Variants in EMCN observed in about 807,000 individuals in gnomAD.
The protein encoded by EMCN is endomucin.
A neutral mutation model predicts 38.4 loss-of-function variants in EMCN; 37 were observed. The ratio of observed to expected loss-of-function variants is 0.96; its 90% CI spans 0.74 to 1.27. The LOEUF (loss-of-function observed/expected upper bound fraction) is 1.27, where lower values mean the gene tolerates loss of function less well. Ranked by LOEUF, EMCN falls within the 50% of genes most tolerant of loss-of-function variation. The probability of loss-of-function intolerance (pLI) is 0.00; values close to 1 mark genes in which losing one functional copy is unlikely to be tolerated. For synonymous variants in EMCN, 95 were observed against 100.8 expected, an observed-to-expected ratio of 0.94 and a Z score of 0.35; for missense variants, 318 against 302.8, an observed-to-expected ratio of 1.05 and a Z score of -0.37.
chr4:100,417,666 C>A (rs1000726348), intron 8 of EMCN, among the ~76,000 whole-genome samples: 4 of 152,132 alleles, frequency 2.6e-5, no homozygotes, highest in Non-Finnish European at 5.9e-5. Context: ...TGCAAAATGT[C>A]GCAGAGGCTA....
At chr4:100,443,926 G>C (rs993831894) in intron 5 of EMCN, among the ~76,000 whole-genome samples, 1 of 152,214 alleles carries the variant, frequency 6.6e-6, no homozygotes, top group Non-Finnish European at 1.5e-5. Context: ...GGAGTCAACA[G>C]AGGTCAGCAA....
intron 8 of EMCN, 74 bp from the exon 9 acceptor site, chr4:100,417,215 C>A: frequency 7.9e-7 from 1 of 1,273,170 alleles, no homozygotes; most frequent in Non-Finnish European, 1.1e-6. Context: ...CCCCTCTAAC[C>A]CCCTCACCTG....
intron 9 of EMCN, among the ~76,000 whole-genome samples, chr4:100,416,239 T>C (rs1408743921): frequency 6.6e-6 from 1 of 152,116 alleles, no homozygotes; most frequent in African/African-American, 2.4e-5. Flanking sequence ...TCTCTTATAG[T>C]GGTGATTGTC....
At position 100,446,544 on chromosome 4, in the gene EMCN, T is replaced by G. The variant is rs575924827; in HGVS notation, c.415+989A>C. Reference sequence around the variant, plus strand: ...TTTTTCTAATTTTTAAAAAGTTTTATGAACCTATAGGTTTATTTCATATTT... The same window carrying G: ...TTTTTCTAATTTTTAAAAAGTTTTAGGAACCTATAGGTTTATTTCATATTT... On this transcript the variant is annotated intron_variant, in intron 5 of 11. Transcript: ENST00000296420. Among the ~76,000 whole-genome samples the G allele has an allele frequency of 1.3e-3, 201 of 152,286 alleles. 5 individuals are homozygous for G. In the South Asian group the frequency reaches 0.04, roughly 31 times the overall value.
At chr4:100,483,482 T>G (rs539764636) in intron 1 of EMCN, 5 of 152,148 alleles carry the variant, frequency 3.3e-5, no homozygotes, top group African/African-American at 1.2e-4. Context: ...ATAGACAAAA[T>G]AGTTCACTAT....
chr4:100,397,047 A>G lies in EMCN; in HGVS notation c.*1366T>C, dbSNP rs866585015. On this transcript the variant is annotated 3_prime_UTR_variant, in exon 12 of 12. Transcript: ENST00000296420. ...CTTGATTATAAATAGTCCAAACATC[A>G]GGAAACTAAAATCAAGGTGATTATA... 1.2e-4 allele frequency: 18 copies of G among 152,014 alleles called. No individual in the cohort carries two copies. The highest frequency in any genetic ancestry group is 2.9e-5 in the Non-Finnish European group (2 of 68,018). The allele number at this position is 152,014 out of a possible 1,614,324, so 9.4% of individuals were successfully genotyped here. A position where few individuals can be genotyped will look rare whatever the true frequency, so the allele number is the denominator to read the frequency against.
At chr4:100,507,959 C>G (rs917257778) in intron 1 of EMCN, among the ~76,000 whole-genome samples, 2 of 151,902 alleles carry the variant, frequency 1.3e-5, no homozygotes. Flanking sequence ...TTCTAACATC[C>G]CTAACTGAAA....
chr4:100,443,883 C>T (rs776742920), intron 5 of EMCN, among the ~76,000 whole-genome samples: 1 of 152,108 alleles, frequency 6.6e-6, no homozygotes, highest in Non-Finnish European at 1.5e-5. Context: ...AGCTTGGGTC[C>T]AGGGAGCAGA....
chr4:100,508,514 A>T (rs1729542829), intron 1 of EMCN, among the ~76,000 whole-genome samples: 1 of 152,170 alleles, frequency 6.6e-6, no homozygotes, highest in Non-Finnish European at 1.5e-5. Context: ...TGGATTATTT[A>T]CTGATCTAGG....
chr4:100,415,202 A>G (rs1726689957), intron 10 of EMCN, among the ~76,000 whole-genome samples: 1 of 152,190 alleles, frequency 6.6e-6, no homozygotes, highest in Non-Finnish European at 1.5e-5. Flanking sequence ...CGGCCAGATT[A>G]TTTTATAAAA....
In EMCN at chr4:100,480,034, A is replaced by C. The variant is rs773266089; in HGVS notation, c.70T>G (p.Leu24Val). ...SICSSNSTGV[L>V]EAANNSLVVT... ...ACAAGTGAATTATTAGCTGCCTCTAAAACACCTGAAAAAAGTAAAGTAGTT... is the reference window on the plus strand; with the variant it reads ...ACAAGTGAATTATTAGCTGCCTCTACAACACCTGAAAAAAGTAAAGTAGTT... The change falls in exon 2 of 12, where the codon TTA becomes GTA. Residue 24 changes from leucine (L) to valine (V), a missense_variant. Transcript: ENST00000296420. 4 of 1,604,848 alleles carry C rather than the reference A, an allele frequency of 2.5e-6. No individual in the cohort carries two copies. The African/African-American group carries it at 5.4e-5, about 22-fold the overall frequency.
chr4:100,493,476 C>T (rs1233337725), intron 1 of EMCN, among the ~76,000 whole-genome samples: 1 of 152,124 alleles, frequency 6.6e-6, no homozygotes, highest in Non-Finnish European at 1.5e-5. Flanking sequence ...TGCTCTAGAC[C>T]TTGGGCTACT....
chr4:100,467,692 A>AAG (rs1728360517), intron 3 of EMCN, among the ~76,000 whole-genome samples: 1 of 151,830 alleles, frequency 6.6e-6, no homozygotes, highest in South Asian at 2.1e-4. Context: ...AAAAAAAAAA[A>AAG]AAAAAAAAAG....
intron 5 of EMCN, chr4:100,446,331 T>TA (rs34342649): frequency 0.29 from 70,231 of 245,618 alleles, 12,868 homozygotes; most frequent in Non-Finnish European, 0.35. Flanking sequence ...ATTAATAATA[T>TA]AAAAATAACT....
At chr4:100,511,424 T>C (rs2110311179) in intron 1 of EMCN, among the ~76,000 whole-genome samples, 1 of 152,322 alleles carries the variant, frequency 6.6e-6, no homozygotes, top group African/African-American at 2.4e-5. Context: ...TTGACACAAC[T>C]AATACAGGTT....
At chr4:100,403,282 C>A (rs139228840) in intron 11 of EMCN, among the ~76,000 whole-genome samples, 201 of 152,122 alleles carry the variant, frequency 1.3e-3, no homozygotes, top group African/African-American at 4.6e-3. Flanking sequence ...CTTAGAAATG[C>A]GAAGATAAAG....
intron 1 of EMCN, among the ~76,000 whole-genome samples, chr4:100,485,293 A>T (rs983526961): frequency 1.3e-5 from 2 of 152,104 alleles, no homozygotes; most frequent in African/African-American, 2.4e-5. Context: ...GTGTTTTACA[A>T]TTTTTTGAAA....
chr4:100,499,272 C>T (rs1427195024), intron 1 of EMCN, among the ~76,000 whole-genome samples: 1 of 152,142 alleles, frequency 6.6e-6, no homozygotes, highest in Non-Finnish European at 1.5e-5. Flanking sequence ...ACATTTACCA[C>T]TTTGACTGCT....
intron 11 of EMCN, among the ~76,000 whole-genome samples, chr4:100,401,430 G>C (rs1376656161): frequency 6.6e-6 from 1 of 152,062 alleles, no homozygotes; most frequent in Non-Finnish European, 1.5e-5. Context: ...ATACTATGCA[G>C]TTTTATTTAC....
Sources: allele counts gnomAD v4.1 joint callset (sites outside exome capture counted in the v4.1 genomes callset), GRCh38; gene constraint gnomAD v4.1.1; transcripts MANE v1.5; gene names NCBI Gene and HGNC (gene_info 2026-07-23, HGNC 2026-07-21).